CSMD1: variants seen among roughly 807,000 people sequenced by gnomAD.
The protein encoded by CSMD1 is CUB and Sushi multiple domains 1, also known as CUB and sushi domain-containing protein 1.
In CSMD1, 213 loss-of-function variants were observed where a neutral mutation model predicts 417.5. That is an observed-to-expected ratio of 0.51 (90% CI 0.46 to 0.57). CSMD1 has a LOEUF of 0.57. CSMD1 is among the 20% of genes least tolerant of loss of function. The probability of loss-of-function intolerance (pLI) is 0.00; values close to 1 mark genes in which losing one functional copy is unlikely to be tolerated. For synonymous variants in CSMD1, 2,862 were observed against 1,736.8 expected (o/e 1.65, Z -16.11); for missense variants, 6,923 against 4,529.7 (o/e 1.53, Z -15.17).
Position 4,802,340 on chromosome 8 carries a change from A to AGTGT in CSMD1, c.86-164786_86-164783dup, listed in dbSNP as rs202111583. ...CCTCCAACTAGGAACAAGCAAAATG[A>AGTGT]GTGTGTGCGCGCGTGTGTGTGTGTG... On this transcript the variant is annotated intron_variant, in intron 1 of 69. Coordinates refer to ENST00000635120, the MANE Select transcript of CSMD1 (RefSeq NM_033225.6). Among the ~76,000 whole-genome samples, 203 of 145,964 alleles carry AGTGT rather than the reference A, an allele frequency of 1.4e-3. 1 individual carries two copies. Among genetic ancestry groups the AGTGT allele is most frequent in the African/African-American group, 5.1e-3 (189 of 36,978 alleles).
intron 18 of CSMD1, among the ~76,000 whole-genome samples, chr8:3,383,949 T>C (rs1011921532): frequency 6.6e-6 from 1 of 152,034 alleles, no homozygotes; most frequent in African/African-American, 2.4e-5. Context: ...AGACTTAAGG[T>C]TGCAGGAAAG....
rs1184435208 is a variant in CSMD1, at chr8:3,919,657, C to T, written c.818+78246G>A. ...CATACAAATTTTATGACTTTTTTTT[C>T]TATTTCTGTAAAAATGCCATTGGAA... On this transcript the variant is annotated intron_variant, in intron 5 of 69. Coordinates refer to ENST00000635120, the MANE Select transcript of CSMD1 (RefSeq NM_033225.6). Among the ~76,000 whole-genome samples, 3 of 151,706 alleles carry T rather than the reference C, an allele frequency of 2.0e-5. No individual in the cohort carries two copies. The East Asian group carries it at 5.8e-4, about 29-fold the overall frequency.
rs7844739 is a variant in CSMD1, at chr8:3,948,916, G to A, written c.818+48987C>T. Among the ~76,000 whole-genome samples, 438 of 151,920 alleles carry A rather than the reference G, an allele frequency of 2.9e-3. 2 individuals are homozygous for A. Among genetic ancestry groups the A allele is most frequent in the African/African-American group, 1.0e-2 (413 of 41,414 alleles). The stretch of plus-strand genomic sequence containing the variant: ...ATTTTTTTTTTCAGAACACTGACTG[G>A]TACAAAAAGCATTAGTAGAATAACT... On this transcript the variant is annotated intron_variant, in intron 5 of 69. Coordinates refer to ENST00000635120, the MANE Select transcript of CSMD1 (RefSeq NM_033225.6).
rs1050332048 is a variant in CSMD1, at chr8:3,553,870, G to A, written c.1344+21075C>T. On this transcript the variant is annotated intron_variant, in intron 10 of 69. Coordinates refer to ENST00000635120, the MANE Select transcript of CSMD1 (RefSeq NM_033225.6). ...CTGAAAACACACATATGCCAAACAC[G>A]TACACATACATATCCACAACAGTCA... Among the ~76,000 whole-genome samples, 3 of 152,010 alleles carry A rather than the reference G, an allele frequency of 2.0e-5. No homozygotes were observed. In the South Asian group the frequency reaches 6.2e-4, roughly 31 times the overall value.
At chr8:4,030,086 T>C (rs985875642) in intron 4 of CSMD1, among the ~76,000 whole-genome samples, 2 of 152,220 alleles carry the variant, frequency 1.3e-5, no homozygotes, top group African/African-American at 4.8e-5. Context: ...CCCTCCTGGA[T>C]GCTTTCATGG....
At chr8:3,245,654 C>T (rs1281724733) in intron 26 of CSMD1, among the ~76,000 whole-genome samples, 1 of 152,188 alleles carries the variant, frequency 6.6e-6, no homozygotes, top group Non-Finnish European at 1.5e-5. Context: ...CTCCAAGTTG[C>T]AAAACGGCCT....
intron 49 of CSMD1, among the ~76,000 whole-genome samples, chr8:3,075,712 T>C (rs2129000676): frequency 6.6e-6 from 1 of 152,192 alleles, no homozygotes; most frequent in Non-Finnish European, 1.5e-5. Flanking sequence ...ATTTCTGGAC[T>C]ATGTAAATGT....
chr8:4,424,990 T>C (rs1797462835), intron 2 of CSMD1, among the ~76,000 whole-genome samples: 1 of 152,092 alleles, frequency 6.6e-6, no homozygotes, highest in African/African-American at 2.4e-5. Context: ...GTAACCAAAA[T>C]AATGCTATTT....
At chr8:3,736,905 C>G (rs1300813123) in intron 6 of CSMD1, among the ~76,000 whole-genome samples, 1 of 152,198 alleles carries the variant, frequency 6.6e-6, no homozygotes, top group African/African-American at 2.4e-5. Flanking sequence ...GTGCATCCTA[C>G]TAGAACATTC....
intron 1 of CSMD1, among the ~76,000 whole-genome samples, chr8:4,689,261 A>C (rs184916384): frequency 6.6e-6 from 1 of 152,196 alleles, no homozygotes; most frequent in Non-Finnish European, 1.5e-5. Context: ...GTATGGAAAC[A>C]AAGTTCACCA....
intron 26 of CSMD1, among the ~76,000 whole-genome samples, chr8:3,275,337 C>G (rs1802196748): frequency 1.3e-5 from 2 of 152,090 alleles, no homozygotes; most frequent in Admixed American, 1.3e-4. Context: ...GGTAACCCAA[C>G]CTTTCTCTCT....
chr8:4,618,265 C>T lies in CSMD1; in HGVS notation c.302+19077G>A, dbSNP rs147930116. Among the ~76,000 whole-genome samples, 8 of 149,932 alleles carry T rather than the reference C, an allele frequency of 5.3e-5. No homozygotes were observed. In the South Asian group the frequency reaches 8.6e-4, roughly 16 times the overall value. ...AGACCTCATAAATGTGCTTCAATGGCGCCTCTTTTGTAATATTGCTAAGCT... is the reference window on the plus strand; with the variant it reads ...AGACCTCATAAATGTGCTTCAATGGTGCCTCTTTTGTAATATTGCTAAGCT... On this transcript the variant is annotated intron_variant, in intron 2 of 69. Transcript: ENST00000635120.
intron 1 of CSMD1, among the ~76,000 whole-genome samples, chr8:4,670,298 T>C (rs1055398402): frequency 4.6e-5 from 7 of 152,202 alleles, no homozygotes; most frequent in African/African-American, 7.2e-5. Flanking sequence ...TTGATGGTTT[T>C]TGTGGCCTTG....
intron 5 of CSMD1, among the ~76,000 whole-genome samples, chr8:3,927,556 T>C (rs1023049184): frequency 2.0e-5 from 3 of 151,878 alleles, no homozygotes; most frequent in Admixed American, 6.6e-5. Flanking sequence ...TCCCAGCTAC[T>C]AGAGAGGCTG....
chr8:4,271,369 A>G (rs1804584209), intron 3 of CSMD1, among the ~76,000 whole-genome samples: 1 of 152,262 alleles, frequency 6.6e-6, no homozygotes, highest in East Asian at 1.9e-4. Context: ...ATGTCAAAAT[A>G]AATAAATAAA....
chr8:4,704,881 T>A lies in CSMD1; in HGVS notation c.86-67323A>T, dbSNP rs1807819763. Among the ~76,000 whole-genome samples, 3 of 152,162 alleles carry A rather than the reference T, an allele frequency of 2.0e-5. No individual in the cohort carries two copies. The South Asian group carries it at 6.2e-4, about 31-fold the overall frequency. On this transcript the variant is annotated intron_variant, in intron 1 of 69. Coordinates refer to ENST00000635120, the MANE Select transcript of CSMD1 (RefSeq NM_033225.6). ...CCTAGAGAAGGCTCCAAAAACCCTA[T>A]GGTAAAGAAAACTGCTTAATTTTGT...
At chr8:3,284,893 A>C (rs961398175) in intron 25 of CSMD1, among the ~76,000 whole-genome samples, 7 of 152,200 alleles carry the variant, frequency 4.6e-5, no homozygotes, top group African/African-American at 1.7e-4. Flanking sequence ...ATCATTTAAA[A>C]TACCAACAGA....
chr8:4,346,799 T>A (rs1359991294), intron 3 of CSMD1, among the ~76,000 whole-genome samples: 1 of 152,334 alleles, frequency 6.6e-6, no homozygotes, highest in East Asian at 1.9e-4. Flanking sequence ...AAGCTCTGGA[T>A]ACAATGTCCC....
intron 1 of CSMD1, among the ~76,000 whole-genome samples, chr8:4,962,247 G>A (rs1406633998): frequency 6.6e-6 from 1 of 151,110 alleles, no homozygotes; most frequent in Non-Finnish European, 1.5e-5. Flanking sequence ...GACTCACTCT[G>A]TCACCCAAAC....
Sources: allele counts gnomAD v4.1 joint callset (sites outside exome capture counted in the v4.1 genomes callset), GRCh38; gene constraint gnomAD v4.1.1; transcripts MANE v1.5; gene names NCBI Gene and HGNC (gene_info 2026-07-23, HGNC 2026-07-21).